SORCS3: variants seen among roughly 807,000 people sequenced by gnomAD.
SORCS3 encodes VPS10 domain-containing receptor SorCS3.
Under a neutral mutation model 146.3 loss-of-function variants are expected in SORCS3, and 57 were observed. The ratio of observed to expected loss-of-function variants is 0.39; its 90% CI spans 0.31 to 0.49. The LOEUF (loss-of-function observed/expected upper bound fraction) is 0.49, where lower values mean the gene tolerates loss of function less well. SORCS3 is among the 20% of genes least tolerant of loss of function. The pLI is 0.92. For synonymous variants in SORCS3, 653 were observed against 618.5 expected, an observed-to-expected ratio of 1.06 and a Z score of -0.83; for missense variants, 1,341 against 1,575.5, an observed-to-expected ratio of 0.85 and a Z score of 2.52.
intron 1 of SORCS3, among the ~76,000 whole-genome samples, chr10:104,832,825 C>G (rs1056093249): frequency 2.0e-5 from 3 of 152,214 alleles, no homozygotes; most frequent in Admixed American, 6.5e-5. Context: ...GCTAACAGAG[C>G]CCCAAGTTGT....
chr10:104,841,727 C>T (rs1005272212), intron 1 of SORCS3, among the ~76,000 whole-genome samples: 1 of 151,912 alleles, frequency 6.6e-6, no homozygotes, highest in African/African-American at 2.4e-5. Flanking sequence ...AGCAGAAATT[C>T]ATTATCTCGG....
At chr10:104,757,937 C>T (rs1217373244) in intron 1 of SORCS3, among the ~76,000 whole-genome samples, 2 of 149,504 alleles carry the variant, frequency 1.3e-5, no homozygotes, top group Non-Finnish European at 3.0e-5. Context: ...TACAGGTTGT[C>T]CTTCTCTTTG....
chr10:105,163,689 G>C (rs1315037714), intron 11 of SORCS3, among the ~76,000 whole-genome samples: 1 of 152,132 alleles, frequency 6.6e-6, no homozygotes, highest in African/African-American at 2.4e-5. Context: ...AAGTATGGTT[G>C]GTCTAGGCAT....
At chr10:104,901,078 A>T (rs1589542458) in intron 2 of SORCS3, among the ~76,000 whole-genome samples, 1 of 151,978 alleles carries the variant, frequency 6.6e-6, no homozygotes, top group Non-Finnish European at 1.5e-5. Context: ...TCCTTCCTTT[A>T]CTTTGAGCTC....
intron 1 of SORCS3, among the ~76,000 whole-genome samples, chr10:104,664,324 G>A (rs879714319): frequency 1.3e-5 from 2 of 152,200 alleles, no homozygotes; most frequent in Non-Finnish European, 2.9e-5. Context: ...ACCCAGGAGG[G>A]CAGCAAAATG....
At chr10:105,114,413 C>G (rs1238595332) in intron 7 of SORCS3, among the ~76,000 whole-genome samples, 3 of 152,132 alleles carry the variant, frequency 2.0e-5, no homozygotes, top group Admixed American at 6.5e-5. Flanking sequence ...CTCCACATCC[C>G]TAATGTCTTT....
chr10:105,101,918 G>A (rs924987731), intron 6 of SORCS3, among the ~76,000 whole-genome samples: 4 of 152,178 alleles, frequency 2.6e-5, no homozygotes, highest in African/African-American at 9.7e-5. Context: ...TATTCTAGGA[G>A]TAAATTACTA....
At chr10:105,182,228 A>ATTTTTTTTTTTTTTTT (rs1306740780) in intron 14 of SORCS3, among the ~76,000 whole-genome samples, 1 of 69,338 alleles carries the variant, frequency 1.4e-5, no homozygotes, top group Non-Finnish European at 2.9e-5. Flanking sequence ...ACTATTCAGC[A>ATTTTTTTTTTTTTTTT]TCTTTTTTTT....
intron 1 of SORCS3, among the ~76,000 whole-genome samples, chr10:104,674,048 G>C (rs1412340849): frequency 6.6e-6 from 1 of 152,156 alleles, no homozygotes; most frequent in African/African-American, 2.4e-5. Flanking sequence ...TTACGCTGAT[G>C]TTACTCACCA....
At chr10:104,961,340 A>G (rs1168189801) in intron 3 of SORCS3, among the ~76,000 whole-genome samples, 1 of 152,194 alleles carries the variant, frequency 6.6e-6, no homozygotes, top group Non-Finnish European at 1.5e-5. Context: ...CCTGCGCCTT[A>G]GTCCATCTGA....
intron 4 of SORCS3, among the ~76,000 whole-genome samples, chr10:104,978,727 C>A (rs1018121619): frequency 6.6e-6 from 1 of 152,170 alleles, no homozygotes; most frequent in Admixed American, 6.6e-5. Context: ...TGTTTGTCAT[C>A]TGAACGATTG....
intron 1 of SORCS3, among the ~76,000 whole-genome samples, chr10:104,718,320 G>C (rs1046339178): frequency 2.6e-5 from 4 of 152,106 alleles, no homozygotes; most frequent in African/African-American, 9.7e-5. Flanking sequence ...GAGAGAGCAA[G>C]AGAGGGCGAA....
chr10:104,801,958 A>G (rs1206344695), intron 1 of SORCS3, among the ~76,000 whole-genome samples: 1 of 152,166 alleles, frequency 6.6e-6, no homozygotes, highest in Non-Finnish European at 1.5e-5. Flanking sequence ...TGGGAATTGT[A>G]TTCTCTGAGA....
intron 1 of SORCS3, 138 bp from the exon 2 acceptor site, chr10:104,842,654 C>T (rs1268951689): frequency 1.8e-5 from 11 of 618,404 alleles, no homozygotes; most frequent in East Asian, 1.4e-4. Flanking sequence ...TATAATACCC[C>T]GCAACTCAAT....
In SORCS3 at chr10:104,977,195, C is replaced by T. The variant is rs2054904153; in HGVS notation, c.796-140C>T. On this transcript the variant is annotated intron_variant, in intron 3 of 26. Coordinates refer to ENST00000369701, the MANE Select transcript of SORCS3 (RefSeq NM_014978.3). ...GACTAAATCAGGAGAAAAGTTAATA[C>T]AAGTATTTTTTACAGAGGCCCAGAT... The T allele has an allele frequency of 7.5e-6, 4 of 532,082 alleles. No homozygotes were observed. The Admixed American group carries it at 1.7e-4, about 22-fold the overall frequency. The allele number at this position is 532,082 out of a possible 1,614,324, so 33.0% of individuals were successfully genotyped here.
intron 3 of SORCS3, among the ~76,000 whole-genome samples, chr10:104,926,740 T>C (rs2019151621): frequency 1.3e-5 from 2 of 152,380 alleles, no homozygotes; most frequent in Admixed American, 6.5e-5. Flanking sequence ...AATTCAGTCT[T>C]AAGTCACAAA....
chr10:104,735,387 CTT>C (rs2016755924), intron 1 of SORCS3, among the ~76,000 whole-genome samples: 1 of 142,770 alleles, frequency 7.0e-6, no homozygotes, highest in African/African-American at 2.6e-5. Context: ...ACTTTCAGGA[CTT>C]TCATTATTTT....
At chr10:104,670,936 A>G (rs1024079320) in intron 1 of SORCS3, among the ~76,000 whole-genome samples, 1 of 151,668 alleles carries the variant, frequency 6.6e-6, no homozygotes, top group Non-Finnish European at 1.5e-5. Context: ...ATTATAAATG[A>G]AATTGTTTTC....
chr10:105,075,833 T>C (rs994143862), intron 5 of SORCS3, among the ~76,000 whole-genome samples: 3 of 152,108 alleles, frequency 2.0e-5, no homozygotes, highest in Non-Finnish European at 4.4e-5. Context: ...ACCTCTTCAA[T>C]TTGCAGAGGA....
Sources: gnomAD v4.1 joint callset for allele counts (sites outside exome capture counted in the v4.1 genomes callset) on GRCh38, gnomAD v4.1.1 for gene constraint, MANE v1.5 for transcripts, NCBI Gene and HGNC (gene_info 2026-07-23, HGNC 2026-07-21) for gene names.